The following PRELID2 variants were observed in gnomAD, a reference collection of about 807,000 sequenced individuals.
PRELID2 encodes the protein PRELI domain-containing protein 2.
In PRELID2, 25 loss-of-function variants were observed where a neutral mutation model predicts 28.4. The ratio of observed to expected loss-of-function variants is 0.88; its 90% CI spans 0.64 to 1.23. The LOEUF (loss-of-function observed/expected upper bound fraction) is 1.23, where lower values mean the gene tolerates loss of function less well. Ranked by LOEUF, PRELID2 falls within the 50% of genes most tolerant of loss-of-function variation. PRELID2 has a pLI of 0.00. For missense variants in PRELID2, 201 were observed against 214.4 expected (o/e 0.94, Z 0.39); for synonymous variants, 76 against 71.6 (o/e 1.06, Z -0.31).
chr5:145,459,063 A>G, the PRELID2 span, among the ~76,000 whole-genome samples: 1 of 152,186 alleles, frequency 6.6e-6, no homozygotes, highest in East Asian at 1.9e-4. Context: ...TTCTAGGAAT[A>G]AAAAGCAGTG....
At chr5:145,338,197 G>T in the PRELID2 span, 1 of 152,032 alleles carries the variant, frequency 6.6e-6, no homozygotes, top group African/African-American at 2.4e-5. Flanking sequence ...TTTCATATTA[G>T]CTTACCCCAT....
the PRELID2 span, among the ~76,000 whole-genome samples, chr5:145,291,335 CAGAAAAAAAAA>C: frequency 5.2e-5 from 3 of 57,474 alleles, no homozygotes; most frequent in African/African-American, 3.2e-4. Flanking sequence ...GACTCTGTTT[CAGAAAAAAAAA>C]AAAAAAAAAA....
chr5:145,520,767 A>C (rs1359485177), intron 1 of PRELID2, among the ~76,000 whole-genome samples: 1 of 152,202 alleles, frequency 6.6e-6, no homozygotes, highest in African/African-American at 2.4e-5. Context: ...AACCTCAAGC[A>C]GACAAGGATT....
chr5:145,720,639 T>G (rs1755962487), intron 1 of PRELID2, among the ~76,000 whole-genome samples: 1 of 152,088 alleles, frequency 6.6e-6, no homozygotes, highest in African/African-American at 2.4e-5. Context: ...CATCCATCCA[T>G]GTTATCACTG....
At chr5:145,354,498 G>T in the PRELID2 span, among the ~76,000 whole-genome samples, 1 of 152,072 alleles carries the variant, frequency 6.6e-6, no homozygotes, top group Admixed American at 6.6e-5. Flanking sequence ...CTAGTTTACT[G>T]ATTCCTCTCA....
At chr5:145,435,010 G>C in the PRELID2 span, among the ~76,000 whole-genome samples, 1 of 152,214 alleles carries the variant, frequency 6.6e-6, no homozygotes, top group Non-Finnish European at 1.5e-5. Flanking sequence ...GAAAACAAAT[G>C]CCTATTCTCC....
chr5:145,640,205 G>A (rs974882072), intron 1 of PRELID2, among the ~76,000 whole-genome samples: 9 of 152,018 alleles, frequency 5.9e-5, no homozygotes, highest in Non-Finnish European at 8.8e-5. Context: ...ATTGGCCGGC[G>A]GCCGGGCGCG....
the PRELID2 span, among the ~76,000 whole-genome samples, chr5:145,258,149 A>G: frequency 6.6e-6 from 1 of 152,208 alleles, no homozygotes; most frequent in African/African-American, 2.4e-5. Context: ...CCATGAGCCA[A>G]TTAAACAGCT....
At chr5:145,808,705 G>T (rs1207423462) in intron 4 of PRELID2, among the ~76,000 whole-genome samples, 2 of 151,752 alleles carry the variant, frequency 1.3e-5, no homozygotes, top group African/African-American at 4.8e-5. Flanking sequence ...ACAACACAGT[G>T]ACACCCTGTC....
the PRELID2 span, among the ~76,000 whole-genome samples, chr5:145,335,139 A>C: frequency 6.6e-6 from 1 of 151,896 alleles, no homozygotes; most frequent in Non-Finnish European, 1.5e-5. Flanking sequence ...AAATTCCATA[A>C]ACTGTCTTCA....
the PRELID2 span, among the ~76,000 whole-genome samples, chr5:145,272,837 C>T: frequency 2.0e-5 from 3 of 151,818 alleles, no homozygotes; most frequent in African/African-American, 7.3e-5. Flanking sequence ...ATAAATTTTT[C>T]GCTTACTCGT....
At chr5:145,291,337 GAAAAA>G in the PRELID2 span, among the ~76,000 whole-genome samples, 2 of 41,742 alleles carry the variant, frequency 4.8e-5, no homozygotes, top group African/African-American at 1.6e-4. Flanking sequence ...CTCTGTTTCA[GAAAAA>G]AAAAAAAAAA....
the PRELID2 span, among the ~76,000 whole-genome samples, chr5:145,299,053 AAG>A: frequency 6.6e-6 from 1 of 152,126 alleles, no homozygotes; most frequent in Non-Finnish European, 1.5e-5. Context: ...AGAAAATTTT[AAG>A]AGAGACAAAA....
At chr5:145,789,314 A>T (rs1305515668) in intron 5 of PRELID2, among the ~76,000 whole-genome samples, 2 of 152,220 alleles carry the variant, frequency 1.3e-5, no homozygotes, top group East Asian at 3.8e-4. Context: ...TGAATAATGG[A>T]ATAGAATAGA....
the PRELID2 span, among the ~76,000 whole-genome samples, chr5:145,299,956 C>G: frequency 1.3e-5 from 2 of 151,954 alleles, no homozygotes; most frequent in Non-Finnish European, 2.9e-5. Context: ...AGTTGATTTT[C>G]TAGTATTTTT....
chr5:145,622,052 G>A (rs1385406188), intron 1 of PRELID2, among the ~76,000 whole-genome samples: 3 of 152,112 alleles, frequency 2.0e-5, no homozygotes, highest in African/African-American at 7.2e-5. Flanking sequence ...ATTACACTAA[G>A]TGAAAGAAGC....
chr5:145,765,677 A>C lies in PRELID2; in HGVS notation c.475-677T>G, dbSNP rs557845340. Among the ~76,000 whole-genome samples the C allele has an allele frequency of 7.9e-5, 12 of 152,312 alleles. No homozygotes were observed. In the South Asian group the frequency reaches 2.3e-3, roughly 29 times the overall value. ...CAGCTAAGACCTTTGTTACAAGTGC[A>C]TTGCAGTTCAAAAATCCCTTCCCGT... On this transcript the variant is annotated intron_variant, in intron 5 of 6. Coordinates refer to ENST00000683046, the MANE Select transcript of PRELID2 (RefSeq NM_205846.3).
At chr5:145,607,749 C>T (rs756923998) in intron 1 of PRELID2, among the ~76,000 whole-genome samples, 6 of 152,022 alleles carry the variant, frequency 3.9e-5, no homozygotes, top group African/African-American at 1.2e-4. Flanking sequence ...ATGTATATGT[C>T]TGTTAGGCCT....
At chr5:145,435,830 T>C in the PRELID2 span, among the ~76,000 whole-genome samples, 20 of 152,188 alleles carry the variant, frequency 1.3e-4, no homozygotes, top group African/African-American at 4.6e-4. Flanking sequence ...TTAAAACTTG[T>C]GTCTACCACA....
Sources: gnomAD v4.1 joint callset for allele counts (sites outside exome capture counted in the v4.1 genomes callset) on GRCh38, gnomAD v4.1.1 for gene constraint, MANE v1.5 for transcripts, NCBI Gene and HGNC (gene_info 2026-07-23, HGNC 2026-07-21) for gene names.